The following TSHZ2 variants were observed in gnomAD, a reference collection of about 807,000 sequenced individuals.
TSHZ2 encodes teashirt homolog 2.
A neutral mutation model predicts 74.4 loss-of-function variants in TSHZ2; 21 were observed. The ratio of observed to expected loss-of-function variants is 0.28; its 90% CI spans 0.20 to 0.41. TSHZ2 has a LOEUF of 0.41. TSHZ2 is among the 10% of genes least tolerant of loss of function. TSHZ2 has a pLI of 1.00. For missense variants in TSHZ2, 1,244 were observed against 1,293.5 expected (o/e 0.96, Z 0.59); for synonymous variants, 540 against 515.3 (o/e 1.05, Z -0.65).
intron 1 of TSHZ2, among the ~76,000 whole-genome samples, chr20:53,024,791 C>T (rs1002010076): frequency 2.6e-5 from 4 of 152,118 alleles, no homozygotes; most frequent in South Asian, 4.1e-4. Flanking sequence ...ATGATGGTTT[C>T]CAGCTTCATC....
intron 1 of TSHZ2, chr20:53,185,438 G>A (rs1170629836): frequency 2.0e-5 from 26 of 1,318,166 alleles, no homozygotes; most frequent in East Asian, 3.0e-5. Flanking sequence ...ACTTTGGGAG[G>A]CCGAGGCAGG....
intron 1 of TSHZ2, among the ~76,000 whole-genome samples, chr20:53,197,740 C>T (rs1442763667): frequency 1.3e-5 from 2 of 152,212 alleles, no homozygotes; most frequent in Admixed American, 1.3e-4. Flanking sequence ...TACCTGACAG[C>T]CACCCATTTA....
At chr20:53,312,486 C>T (rs776223237) in intron 2 of TSHZ2, among the ~76,000 whole-genome samples, 1 of 152,038 alleles carries the variant, frequency 6.6e-6, no homozygotes, top group South Asian at 2.1e-4. Flanking sequence ...GTCAAAAATT[C>T]AAAAGCGACA....
At chr20:53,279,046 C>T (rs1991002385) in intron 2 of TSHZ2, among the ~76,000 whole-genome samples, 1 of 152,230 alleles carries the variant, frequency 6.6e-6, no homozygotes, top group Non-Finnish European at 1.5e-5. Context: ...GAAAAGAAAA[C>T]GTTGTCAGGA....
chr20:53,240,190 A>G (rs1990033017), intron 1 of TSHZ2, among the ~76,000 whole-genome samples: 1 of 152,194 alleles, frequency 6.6e-6, no homozygotes, highest in Non-Finnish European at 1.5e-5. Flanking sequence ...AAAAACCCTT[A>G]CTTTCTTAAC....
Position 53,156,969 on chromosome 20 carries a change from T to C in TSHZ2, c.41-96530T>C, listed in dbSNP as rs75079748. Among the ~76,000 whole-genome samples the C allele has an allele frequency of 4.1e-3, 625 of 152,268 alleles. 15 individuals carry two copies. In the East Asian group the frequency reaches 0.068, roughly 16 times the overall value. ...AAGTTAAGCAAGAAGGTGCAGAGCT[T>C]TATTAAGCAGAGAAACATTAGACCT... On this transcript the variant is annotated intron_variant, in intron 1 of 2. Coordinates refer to ENST00000371497, the MANE Select transcript of TSHZ2 (RefSeq NM_173485.6).
chr20:53,288,121 C>G (rs1318433579), intron 2 of TSHZ2, among the ~76,000 whole-genome samples: 1 of 152,030 alleles, frequency 6.6e-6, no homozygotes, highest in Non-Finnish European at 1.5e-5. Context: ...TACCGGTAGG[C>G]CAGGTGCAGT....
chr20:53,047,473 C>G (rs893462718), intron 1 of TSHZ2, among the ~76,000 whole-genome samples: 6 of 152,084 alleles, frequency 3.9e-5, no homozygotes, highest in Non-Finnish European at 1.5e-5. Context: ...AAGGCAGGCC[C>G]CTCTTTTTAA....
chr20:53,015,187 G>A (rs1982990697), intron 1 of TSHZ2, among the ~76,000 whole-genome samples: 1 of 152,120 alleles, frequency 6.6e-6, no homozygotes, highest in South Asian at 2.1e-4. Context: ...AGCCCTCTGT[G>A]ATCCCTTTGC....
intron 1 of TSHZ2, among the ~76,000 whole-genome samples, chr20:53,232,143 T>C (rs994797810): frequency 6.6e-6 from 1 of 152,082 alleles, no homozygotes; most frequent in Non-Finnish European, 1.5e-5. Flanking sequence ...TCCTGCCTCA[T>C]CCTCCCAAAG....
chr20:53,145,509 A>G (rs924784394), intron 1 of TSHZ2, among the ~76,000 whole-genome samples: 2 of 152,186 alleles, frequency 1.3e-5, no homozygotes, highest in African/African-American at 4.8e-5. Context: ...TAAGACAGGA[A>G]GGGAAGGATG....
chr20:53,469,097 A>C (rs1278792846), intron 2 of TSHZ2, among the ~76,000 whole-genome samples: 12 of 133,728 alleles, frequency 9.0e-5, no homozygotes, highest in Non-Finnish European at 3.2e-5. Flanking sequence ...ACATATTCTA[A>C]TTGAATGTTA....
chr20:53,267,002 T>TC (rs1990734386), intron 2 of TSHZ2, among the ~76,000 whole-genome samples: 1 of 152,112 alleles, frequency 6.6e-6, no homozygotes, highest in Non-Finnish European at 1.5e-5. Flanking sequence ...GATCTCAAAC[T>TC]CCTGACCTCA....
At chr20:53,343,205 G>T (rs777850141) in intron 2 of TSHZ2, among the ~76,000 whole-genome samples, 4 of 151,880 alleles carry the variant, frequency 2.6e-5, no homozygotes, top group Non-Finnish European at 5.9e-5. Context: ...GACCTCAAAT[G>T]ATCTGCCCAT....
At chr20:53,176,690 CT>C (rs1205063066) in intron 1 of TSHZ2, among the ~76,000 whole-genome samples, 2,495 of 137,328 alleles carry the variant, frequency 0.018, 52 homozygotes, top group African/African-American at 0.052. Context: ...TTGTTTCTTT[CT>C]TTTTTTTTTT....
At chr20:53,445,414 C>T (rs140675270) in intron 2 of TSHZ2, among the ~76,000 whole-genome samples, 181 of 152,272 alleles carry the variant, frequency 1.2e-3, no homozygotes, top group Non-Finnish European at 2.0e-3. Context: ...AGCCATGTTC[C>T]GTTCCCATGT....
chr20:53,254,867 A>G lies in TSHZ2; in HGVS notation c.1409A>G (p.Glu470Gly), dbSNP rs1316119838. 6.2e-7 allele frequency: 1 copy of G among 1,614,208 alleles called. No individual in the cohort carries two copies. Among genetic ancestry groups the G allele is most frequent in the East Asian group, 2.2e-5 (1 of 44,892 alleles). ...LKKESKKERP[E>G]ETSKDEKVVK... ...AAAGAGAGTAAAAAAGAAAGGCCAGAGGAAACCAGCAAGGATGAGAAAGTC... is the reference window on the plus strand; with the variant it reads ...AAAGAGAGTAAAAAAGAAAGGCCAGGGGAAACCAGCAAGGATGAGAAAGTC... Residue 470 changes from glutamate (E) to glycine (G), a missense_variant, in exon 2 of 3, where the codon GAG becomes GGG. By Grantham distance (98) the Glu-to-Gly change is moderately conservative. Around this residue, in one of 6 missense-constraint regions of TSHZ2, gnomAD observed 562 missense variants for 544.0 expected, o/e 1.03. Coordinates refer to ENST00000371497, the MANE Select transcript of TSHZ2 (RefSeq NM_173485.6).
intron 2 of TSHZ2, among the ~76,000 whole-genome samples, chr20:53,403,628 T>A (rs1173720351): frequency 3.3e-5 from 5 of 152,170 alleles, no homozygotes; most frequent in African/African-American, 1.2e-4. Context: ...GCGGTACACA[T>A]GCCATGAGAA....
intron 1 of TSHZ2, among the ~76,000 whole-genome samples, chr20:53,122,757 C>G (rs1173731889): frequency 6.6e-6 from 1 of 152,160 alleles, no homozygotes; most frequent in Non-Finnish European, 1.5e-5. Context: ...TATTGAATCC[C>G]TGGGATGTTG....
Sources: gnomAD v4.1 joint callset for allele counts (sites outside exome capture counted in the v4.1 genomes callset) on GRCh38, gnomAD v4.1.1 for gene constraint, gnomAD v4.1.1 regional missense constraint, MANE v1.5 for transcripts, NCBI Gene and HGNC (gene_info 2026-07-23, HGNC 2026-07-21) for gene names.